The following RIMS2 variants were observed in gnomAD, a reference collection of about 807,000 sequenced individuals.
The protein encoded by RIMS2 is regulating synaptic membrane exocytosis protein 2.
RIMS2 carries 59 observed loss-of-function variants against 174.4 expected under a neutral mutation model. The ratio of observed to expected loss-of-function variants is 0.34; its 90% CI spans 0.27 to 0.42. The LOEUF (loss-of-function observed/expected upper bound fraction) is 0.42. Among genes scored for constraint, RIMS2 ranks in the 10% least tolerant of loss-of-function variants. The pLI is 1.00. For synonymous variants in RIMS2, 606 were observed against 572.5 expected (o/e 1.06, Z -0.84); for missense variants, 1,620 against 1,666.3 (o/e 0.97, Z 0.48).
intron 19 of RIMS2, among the ~76,000 whole-genome samples, chr8:104,219,739 A>T (rs1480822644): frequency 6.6e-6 from 1 of 152,166 alleles, no homozygotes; most frequent in Non-Finnish European, 1.5e-5. Context: ...AAATAATTTG[A>T]AATACTGGAT....
chr8:103,906,893 C>T lies in RIMS2; in HGVS notation c.1625-3241C>T, dbSNP rs73293863. Among the ~76,000 whole-genome samples, 697 of 152,192 alleles carry T rather than the reference C, an allele frequency of 4.6e-3. 7 individuals are homozygous for T. Among genetic ancestry groups the T allele is most frequent in the African/African-American group, 0.016 (660 of 41,520 alleles). ...CCATCCAGGCATGGGCATTAAGTAT[C>T]CCATGTACTGGTCATCTCCATATAC... On this transcript the variant is annotated intron_variant, in intron 4 of 23. Coordinates refer to ENST00000504942, the Ensembl canonical transcript of RIMS2.
intron 19 of RIMS2, among the ~76,000 whole-genome samples, chr8:104,244,638 T>TATAATATAA (rs2099320695): frequency 1.3e-5 from 2 of 152,200 alleles, no homozygotes; most frequent in African/African-American, 4.8e-5. Flanking sequence ...TTCCTTAGGT[T>TATAATATAA]GAATCTTTTT....
chr8:104,175,696 C>G (rs755376109), intron 19 of RIMS2, among the ~76,000 whole-genome samples: 2 of 152,008 alleles, frequency 1.3e-5, no homozygotes, highest in Non-Finnish European at 2.9e-5. Flanking sequence ...TTTTGAAGAA[C>G]AGAGACTAAA....
rs117102711 is a variant in RIMS2 at position 104,083,661 on chromosome 8, G to A, written c.3334+69046G>A. 1.0e-3 allele frequency among the ~76,000 whole-genome samples: 158 copies of A among 152,178 alleles called. 1 individual carries two copies. The East Asian group carries it at 0.021, about 20-fold the overall frequency. On this transcript the variant is annotated intron_variant, in intron 19 of 23. Coordinates refer to ENST00000504942, the Ensembl canonical transcript of RIMS2. ...CATTTAGTCATAATAAAAACATAAGGGCTTTAAACTGGGTGCATTGGTTTA... is the reference window on the plus strand; with the variant it reads ...CATTTAGTCATAATAAAAACATAAGAGCTTTAAACTGGGTGCATTGGTTTA...
At chr8:103,845,428 A>G (rs1564884261) in intron 3 of RIMS2, among the ~76,000 whole-genome samples, 1 of 152,114 alleles carries the variant, frequency 6.6e-6, no homozygotes. Context: ...AATGCTTACT[A>G]ATATTTTGAT....
chr8:103,560,202 A>C (rs965582437), intron 1 of RIMS2, among the ~76,000 whole-genome samples: 1 of 152,170 alleles, frequency 6.6e-6, no homozygotes, highest in Non-Finnish European at 1.5e-5. Context: ...ACAGAGTATT[A>C]GAATTATTGT....
At chr8:103,997,971 T>G (rs2095205240) in intron 17 of RIMS2, among the ~76,000 whole-genome samples, 1 of 151,702 alleles carries the variant, frequency 6.6e-6, no homozygotes, top group Non-Finnish European at 1.5e-5. Flanking sequence ...TGTTGTTGCA[T>G]TTTATTTTAA....
At chr8:104,203,894 C>T (rs7821138) in intron 19 of RIMS2, among the ~76,000 whole-genome samples, 114 of 152,012 alleles carry the variant, frequency 7.5e-4, no homozygotes, top group African/African-American at 2.5e-3. Context: ...ACGTTTTTTG[C>T]TTTGGTGACT....
intron 2 of RIMS2, among the ~76,000 whole-genome samples, chr8:103,728,524 C>T (rs1435266359): frequency 6.6e-6 from 1 of 152,058 alleles, no homozygotes; most frequent in African/African-American, 2.4e-5. Context: ...AGGGGAAATG[C>T]TTCCAGTTGT....
chr8:104,149,194 A>G (rs1008290757), intron 19 of RIMS2, among the ~76,000 whole-genome samples: 1 of 152,178 alleles, frequency 6.6e-6, no homozygotes, highest in African/African-American at 2.4e-5. Flanking sequence ...CTCAAGTTGG[A>G]ACCAGCTAAA....
At chr8:104,165,525 C>T (rs1477945524) in intron 19 of RIMS2, among the ~76,000 whole-genome samples, 1 of 151,598 alleles carries the variant, frequency 6.6e-6, no homozygotes, top group Non-Finnish European at 1.5e-5. Context: ...GTCAGTGAAA[C>T]CTTATGCTGT....
chr8:104,223,910 C>A, intron 19 of RIMS2: 1 of 804,894 alleles, frequency 1.2e-6, no homozygotes, highest in Non-Finnish European at 1.9e-6. Flanking sequence ...CTCTGCTCTC[C>A]GGGACTGTGC....
At chr8:103,776,792 GATGACA>G (rs2098323239) in intron 3 of RIMS2, among the ~76,000 whole-genome samples, 2 of 152,088 alleles carry the variant, frequency 1.3e-5, no homozygotes, top group Non-Finnish European at 2.9e-5. Context: ...AAAACCCAAC[GATGACA>G]AAGATGGGCA....
chr8:104,146,212 A>G (rs2098638593), intron 19 of RIMS2, among the ~76,000 whole-genome samples: 1 of 149,124 alleles, frequency 6.7e-6, no homozygotes, highest in Admixed American at 6.7e-5. Context: ...CCCAAAAAAA[A>G]AAAAAAAAAA....
At chr8:103,664,841 G>A (rs924586418) in intron 1 of RIMS2, among the ~76,000 whole-genome samples, 1 of 152,094 alleles carries the variant, frequency 6.6e-6, no homozygotes, top group Non-Finnish European at 1.5e-5. Flanking sequence ...GTTTATTGTG[G>A]CACTATTCAC....
At chr8:104,162,232 T>G (rs1021816750) in intron 19 of RIMS2, among the ~76,000 whole-genome samples, 11 of 152,204 alleles carry the variant, frequency 7.2e-5, no homozygotes, top group African/African-American at 2.7e-4. Flanking sequence ...ACTGTAGACA[T>G]ATTTTTGAAG....
chr8:104,238,263 A>G (rs900511191), intron 19 of RIMS2, among the ~76,000 whole-genome samples: 6 of 152,082 alleles, frequency 3.9e-5, no homozygotes, highest in African/African-American at 1.4e-4. Context: ...ACACAGGGAC[A>G]CAGGGAGGGG....
intron 1 of RIMS2, among the ~76,000 whole-genome samples, chr8:103,602,673 A>C (rs2094818596): frequency 6.6e-6 from 1 of 152,172 alleles, no homozygotes; most frequent in Non-Finnish European, 1.5e-5. Flanking sequence ...CATGGTGTAT[A>C]TGTTCTACAC....
intron 19 of RIMS2, among the ~76,000 whole-genome samples, chr8:104,045,218 C>T (rs1407548788): frequency 6.6e-6 from 1 of 151,576 alleles, no homozygotes; most frequent in Non-Finnish European, 1.5e-5. Flanking sequence ...ATGTTTAAAC[C>T]ACAATTATAA....
Sources: gnomAD v4.1 joint callset for allele counts (sites outside exome capture counted in the v4.1 genomes callset) on GRCh38, gnomAD v4.1.1 for gene constraint, MANE v1.5 for transcripts, NCBI Gene and HGNC (gene_info 2026-07-23, HGNC 2026-07-21) for gene names.